Variants in SDK1 observed in about 807,000 individuals in gnomAD.
The protein encoded by SDK1 is sidekick cell adhesion molecule 1, also known as protein sidekick-1.
A neutral mutation model predicts 245.5 loss-of-function variants in SDK1; 157 were observed. The ratio of observed to expected loss-of-function variants is 0.64; its 90% confidence interval spans 0.56 to 0.73. The LOEUF is 0.73. Ranked by LOEUF, SDK1 falls within the 30% of genes least tolerant of loss-of-function variation. SDK1 has a pLI of 0.00. For missense variants in SDK1, 3,583 were observed against 3,002.3 expected (o/e 1.19, Z -4.52); for synonymous variants, 1,647 against 1,278.5 (o/e 1.29, Z -6.15).
intron 5 of SDK1, among the ~76,000 whole-genome samples, chr7:3,830,749 G>A (rs1034535213): frequency 1.3e-5 from 2 of 152,076 alleles, no homozygotes; most frequent in South Asian, 2.1e-4. Context: ...GTCCTGTCTC[G>A]GCCTCCCAAA....
intron 4 of SDK1, among the ~76,000 whole-genome samples, chr7:3,779,938 C>CAA (rs34979965): frequency 0.015 from 660 of 43,012 alleles, 7 homozygotes; most frequent in Non-Finnish European, 0.023. Flanking sequence ...GACTCCGTCT[C>CAA]AAAAAAAAAA....
chr7:3,447,347 A>G (rs1583870823), intron 1 of SDK1, among the ~76,000 whole-genome samples: 1 of 152,300 alleles, frequency 6.6e-6, no homozygotes, highest in East Asian at 1.9e-4. Flanking sequence ...ATAATGTGAT[A>G]TTAATCTCCA....
At chr7:3,581,218 A>G (rs550726321) in intron 1 of SDK1, among the ~76,000 whole-genome samples, 1 of 152,302 alleles carries the variant, frequency 6.6e-6, no homozygotes, top group East Asian at 1.9e-4. Flanking sequence ...TGTATCTGAC[A>G]AAGGTATATC....
At chr7:3,953,170 G>GAAA (rs35344518) in intron 7 of SDK1, among the ~76,000 whole-genome samples, 1 of 135,572 alleles carries the variant, frequency 7.4e-6, no homozygotes, top group Non-Finnish European at 1.6e-5. Flanking sequence ...GCAAAATAAG[G>GAAA]AAAAAAAAAA....
chr7:3,606,396 G>A (rs1307884795), intron 1 of SDK1, among the ~76,000 whole-genome samples: 2 of 152,142 alleles, frequency 1.3e-5, no homozygotes, highest in Admixed American at 6.6e-5. Context: ...GGTTGAGTGC[G>A]GAGTGAGGTA....
intron 4 of SDK1, among the ~76,000 whole-genome samples, chr7:3,797,636 A>G (rs1778995140): frequency 6.6e-6 from 1 of 152,040 alleles, no homozygotes; most frequent in Non-Finnish European, 1.5e-5. Context: ...ATAATCTCCC[A>G]TGCTATGTAT....
intron 1 of SDK1, among the ~76,000 whole-genome samples, chr7:3,336,799 GT>G (rs1164714876): frequency 3.9e-5 from 6 of 152,206 alleles, no homozygotes; most frequent in Non-Finnish European, 8.8e-5. Context: ...GAAAGTGTCA[GT>G]GAGCTGAACT....
At chr7:4,023,754 C>A (rs1034123472) in intron 17 of SDK1, among the ~76,000 whole-genome samples, 2 of 152,136 alleles carry the variant, frequency 1.3e-5, no homozygotes, top group African/African-American at 4.8e-5. Flanking sequence ...GATGCTGACT[C>A]GCTGTTTGGC....
At chr7:3,322,368 GTTTA>G (rs1261422726) in intron 1 of SDK1, among the ~76,000 whole-genome samples, 9 of 152,140 alleles carry the variant, frequency 5.9e-5, no homozygotes, top group South Asian at 2.1e-4. Flanking sequence ...GCCACAGTTT[GTTTA>G]TCCATTCATC....
intron 1 of SDK1, among the ~76,000 whole-genome samples, chr7:3,508,387 G>A (rs762555375): frequency 2.7e-5 from 4 of 147,514 alleles, no homozygotes; most frequent in Non-Finnish European, 5.9e-5. Flanking sequence ...GTGCAGTGGT[G>A]TGTGATCTTG....
At chr7:3,664,797 T>A (rs994248461) in intron 4 of SDK1, among the ~76,000 whole-genome samples, 3 of 152,156 alleles carry the variant, frequency 2.0e-5, no homozygotes, top group South Asian at 2.1e-4. Context: ...TTTGGTCTGC[T>A]TTCAAATCTG....
chr7:3,918,436 A>G (rs2128111789), intron 5 of SDK1, among the ~76,000 whole-genome samples: 1 of 152,306 alleles, frequency 6.6e-6, no homozygotes, highest in South Asian at 2.1e-4. Flanking sequence ...CGAGGCATCT[A>G]GGTTACACAC....
At chr7:3,840,668 C>A (rs1015929526) in intron 5 of SDK1, among the ~76,000 whole-genome samples, 1 of 152,210 alleles carries the variant, frequency 6.6e-6, no homozygotes, top group Non-Finnish European at 1.5e-5. Context: ...GCTGATACTG[C>A]GGTTCACGGA....
chr7:3,569,524 G>C (rs946095550), intron 1 of SDK1, among the ~76,000 whole-genome samples: 6 of 152,346 alleles, frequency 3.9e-5, no homozygotes, highest in African/African-American at 1.4e-4. Context: ...CTCAGGCCTG[G>C]CAGTATTTGG....
At chr7:4,252,374 A>G (rs1443842083) in intron 44 of SDK1, among the ~76,000 whole-genome samples, 2 of 152,162 alleles carry the variant, frequency 1.3e-5, no homozygotes, top group Non-Finnish European at 2.9e-5. Context: ...ATGACCCTAC[A>G]AAGGACATGA....
intron 3 of SDK1, among the ~76,000 whole-genome samples, chr7:3,641,372 A>T (rs1018034180): frequency 6.6e-6 from 1 of 152,132 alleles, no homozygotes; most frequent in Non-Finnish European, 1.5e-5. Flanking sequence ...AATTTTTTTT[A>T]TCAGTAGAAC....
chr7:4,221,528 C>T (rs1785155819), intron 40 of SDK1, among the ~76,000 whole-genome samples, 164 bp downstream of exon 40: 1 of 152,222 alleles, frequency 6.6e-6, no homozygotes, highest in Non-Finnish European at 1.5e-5. Flanking sequence ...GCTCACTCAG[C>T]TCCTCCCAGT....
rs868093155 is a variant in SDK1, at chr7:3,599,100, T to G, written c.299-19980T>G. ...GTGGGACTAATCCACCTTTTTTTTT[T>G]TTTTTTTTTTTTTTTACATCCTCAC... On this transcript the variant is annotated intron_variant, in intron 1 of 44. Coordinates refer to ENST00000404826, the MANE Select transcript of SDK1 (RefSeq NM_152744.4). Among the ~76,000 whole-genome samples, 1,028 of 150,184 alleles carry G rather than the reference T, an allele frequency of 6.8e-3. 10 individuals are homozygous for G. The highest frequency in any genetic ancestry group is 0.024 in the African/African-American group (993 of 40,752).
chr7:3,970,988 T>C (rs1782448569), intron 11 of SDK1, among the ~76,000 whole-genome samples: 1 of 152,220 alleles, frequency 6.6e-6, no homozygotes, highest in South Asian at 2.1e-4. Context: ...ACTGCATCTC[T>C]GAGCGTCCAT....
Sources: allele counts gnomAD v4.1 joint callset (sites outside exome capture counted in the v4.1 genomes callset), GRCh38; gene constraint gnomAD v4.1.1; transcripts MANE v1.5; gene names NCBI Gene and HGNC (gene_info 2026-07-23, HGNC 2026-07-21).